Variants in CDC42EP3 observed in about 807,000 individuals in gnomAD.
CDC42EP3 encodes the protein CDC42 effector protein (Rho GTPase binding) 3.
Under a neutral mutation model 15.5 loss-of-function variants are expected in CDC42EP3, and 4 were observed. That is an observed-to-expected ratio of 0.26 (90% CI 0.13 to 0.59). CDC42EP3 has a LOEUF of 0.59. Among genes scored for constraint, CDC42EP3 ranks in the 20% least tolerant of loss-of-function variants. CDC42EP3 has a pLI of 0.89. For synonymous variants in CDC42EP3, 145 were observed against 130.3 expected (o/e 1.11, Z -0.77); for missense variants, 309 against 311.2 (o/e 0.99, Z 0.05).
chr2:37,642,504 T>C lies in CDC42EP3; in HGVS notation c.*3319A>G, dbSNP rs1665300847. ...AGGCTAATTCTAAAATCGGATTTTATGAGAATTGCTAGATTTGGGGCTAGG... is the reference window on the plus strand; with the variant it reads ...AGGCTAATTCTAAAATCGGATTTTACGAGAATTGCTAGATTTGGGGCTAGG... On this transcript the variant is annotated 3_prime_UTR_variant, in exon 2 of 2. Coordinates refer to ENST00000295324, the MANE Select transcript of CDC42EP3 (RefSeq NM_006449.5). 1 of 152,254 alleles carries C rather than the reference T, an allele frequency of 6.6e-6. No homozygotes were observed. The highest frequency in any genetic ancestry group is 2.4e-5 in the African/African-American group (1 of 41,468). The allele number at this position is 152,254 out of a possible 1,614,324, so 9.4% of individuals were successfully genotyped here. A position where few individuals can be genotyped will look rare whatever the true frequency, so the allele number is the denominator to read the frequency against.
chr2:37,655,461 C>T (rs559101597), intron 1 of CDC42EP3, among the ~76,000 whole-genome samples: 1 of 152,306 alleles, frequency 6.6e-6, no homozygotes, highest in South Asian at 2.1e-4. Flanking sequence ...TCACATAGCA[C>T]CAAGTCTGCA....
intron 1 of CDC42EP3, among the ~76,000 whole-genome samples, chr2:37,661,066 GTATGTATGCA>G (rs1159345317): frequency 6.6e-6 from 1 of 151,954 alleles, no homozygotes; most frequent in African/African-American, 2.4e-5. Flanking sequence ...GGAGTAGTAT[GTATGTATGCA>G]TATGTATGTA....
intron 1 of CDC42EP3, among the ~76,000 whole-genome samples, chr2:37,654,636 TGTTCAC>T (rs1319535235): frequency 6.6e-6 from 1 of 151,854 alleles, no homozygotes; most frequent in Non-Finnish European, 1.5e-5. Flanking sequence ...TGAAGGGAGG[TGTTCAC>T]GTTCCCATTT....
intron 1 of CDC42EP3, among the ~76,000 whole-genome samples, chr2:37,668,537 C>T (rs957976683): frequency 6.6e-6 from 1 of 152,198 alleles, no homozygotes; most frequent in African/African-American, 2.4e-5. Context: ...CAGCCTGACT[C>T]GGAGGCTTCA....
intron 1 of CDC42EP3, among the ~76,000 whole-genome samples, chr2:37,656,539 G>A (rs2124624503): frequency 6.6e-6 from 1 of 152,378 alleles, no homozygotes; most frequent in East Asian, 1.9e-4. Flanking sequence ...CCTGTGAAGA[G>A]TACTAGCTAG....
At chr2:37,662,512 A>G (rs1666089603) in intron 1 of CDC42EP3, among the ~76,000 whole-genome samples, 1 of 152,156 alleles carries the variant, frequency 6.6e-6, no homozygotes, top group Admixed American at 6.5e-5. Flanking sequence ...AAAACTCCCA[A>G]ATGTTCTGGG....
At chr2:37,649,123 C>T (rs939691496) in intron 1 of CDC42EP3, among the ~76,000 whole-genome samples, 1 of 150,732 alleles carries the variant, frequency 6.6e-6, no homozygotes, top group African/African-American at 2.4e-5. Flanking sequence ...AGTTTGAGGT[C>T]AGCCTGGGCA....
intron 1 of CDC42EP3, among the ~76,000 whole-genome samples, chr2:37,666,484 A>G (rs1243029234): frequency 2.0e-5 from 3 of 152,218 alleles, no homozygotes; most frequent in Admixed American, 6.5e-5. Flanking sequence ...GAAGGCTAAT[A>G]ATAACTTTAT....
intron 1 of CDC42EP3, among the ~76,000 whole-genome samples, chr2:37,666,843 C>G (rs1159123168): frequency 6.6e-6 from 1 of 150,564 alleles, no homozygotes; most frequent in Non-Finnish European, 1.5e-5. Flanking sequence ...AAGAAACACA[C>G]CTGACTATTG....
intron 1 of CDC42EP3, among the ~76,000 whole-genome samples, chr2:37,658,119 T>C (rs1433735292): frequency 6.6e-6 from 1 of 151,982 alleles, no homozygotes; most frequent in Non-Finnish European, 1.5e-5. Flanking sequence ...CCTCAACAAT[T>C]CCCCCGGCAA....
chr2:37,670,499 T>C (rs1424662223), intron 1 of CDC42EP3, among the ~76,000 whole-genome samples: 1 of 151,680 alleles, frequency 6.6e-6, no homozygotes, highest in East Asian at 1.9e-4. Flanking sequence ...TTTTTTTTTT[T>C]TTAAACAAAA....
intron 1 of CDC42EP3, among the ~76,000 whole-genome samples, chr2:37,656,412 C>T (rs1665846001): frequency 6.6e-6 from 1 of 152,240 alleles, no homozygotes; most frequent in South Asian, 2.1e-4. Flanking sequence ...CCCTGCTAGA[C>T]TTTCCATCAT....
At chr2:37,663,640 T>C (rs781563917) in intron 1 of CDC42EP3, among the ~76,000 whole-genome samples, 1 of 152,292 alleles carries the variant, frequency 6.6e-6, no homozygotes, top group African/African-American at 2.4e-5. Flanking sequence ...CCCCTTGCAT[T>C]TGAATGTTCT....
upstream of CDC42EP3, chr2:37,671,968 A>C (rs1666447007): frequency 6.6e-6 from 1 of 152,118 alleles, no homozygotes; most frequent in South Asian, 2.1e-4. Flanking sequence ...GCTCGGTTTA[A>C]AGAGGGACCC....
chr2:37,658,415 T>C (rs1014064671), intron 1 of CDC42EP3, among the ~76,000 whole-genome samples: 2 of 152,190 alleles, frequency 1.3e-5, no homozygotes, highest in Non-Finnish European at 2.9e-5. Flanking sequence ...CACAGTAGTA[T>C]TGTACAATGG....
intron 1 of CDC42EP3, among the ~76,000 whole-genome samples, chr2:37,656,857 C>T (rs1434786140): frequency 1.3e-5 from 2 of 152,084 alleles, no homozygotes; most frequent in African/African-American, 2.4e-5. Flanking sequence ...GGGTCCTAGA[C>T]ACTGGTCCCT....
Position 37,645,735 on chromosome 2 carries a change from G to T in CDC42EP3, c.*88C>A. ...ATTTTAGAAAACCCAACACAAAACT[G>T]CAAATACAGCTCCGGAAGCCCTTCT... On this transcript the variant is annotated 3_prime_UTR_variant, in exon 2 of 2. Coordinates refer to ENST00000295324, the MANE Select transcript of CDC42EP3 (RefSeq NM_006449.5). 3 of 1,043,824 alleles carry T rather than the reference G, an allele frequency of 2.9e-6. No individual in the cohort carries two copies. Among genetic ancestry groups the T allele is most frequent in the Non-Finnish European group, 4.1e-6 (3 of 734,338 alleles). The allele number at this position is 1,043,824 out of a possible 1,614,324, so 64.7% of individuals were successfully genotyped here.
chr2:37,659,480 T>A (rs1411100550), intron 1 of CDC42EP3, among the ~76,000 whole-genome samples: 1 of 152,216 alleles, frequency 6.6e-6, no homozygotes, highest in Non-Finnish European at 1.5e-5. Context: ...TTGGCAAATA[T>A]ACAGATAAAA....
intron 1 of CDC42EP3, among the ~76,000 whole-genome samples, chr2:37,658,280 C>T (rs1291302816): frequency 6.6e-6 from 1 of 152,158 alleles, no homozygotes; most frequent in Admixed American, 6.5e-5. Flanking sequence ...TTGACATTGC[C>T]TTAACATCAA....
Sources: allele counts gnomAD v4.1 joint callset (sites outside exome capture counted in the v4.1 genomes callset), GRCh38; gene constraint gnomAD v4.1.1; transcripts MANE v1.5; gene names NCBI Gene and HGNC (gene_info 2026-07-23, HGNC 2026-07-21).